The following CPED1 variants were observed in gnomAD, a reference collection of about 807,000 sequenced individuals.
CPED1 encodes the protein cadherin-like and PC-esterase domain-containing protein 1.
In CPED1, 114 loss-of-function variants were observed where a neutral mutation model predicts 128.2. The observed-to-expected ratio is 0.89, with a 90% CI of 0.76 to 1.04. The LOEUF (loss-of-function observed/expected upper bound fraction) is 1.04. Ranked by LOEUF, CPED1 falls within the 50% of genes least tolerant of loss-of-function variation. The pLI, the probability that CPED1 is intolerant of heterozygous loss-of-function variation, is 0.00. For synonymous variants in CPED1, 462 were observed against 426.7 expected (o/e 1.08, Z -1.02); for missense variants, 1,211 against 1,207.1 (o/e 1.00, Z -0.05).
intron 4 of CPED1, among the ~76,000 whole-genome samples, chr7:121,054,862 A>G (rs1158449362): frequency 6.6e-6 from 1 of 151,940 alleles, no homozygotes; most frequent in African/African-American, 2.4e-5. Context: ...AACAGTCACC[A>G]CCGACTTATT....
At chr7:121,024,016 A>G (rs987851507) in intron 3 of CPED1, among the ~76,000 whole-genome samples, 2 of 151,970 alleles carry the variant, frequency 1.3e-5, no homozygotes, top group African/African-American at 2.4e-5. Context: ...AACTGGGGGG[A>G]AAAAAGGAAT....
At chr7:121,160,234 C>T (rs558447221) in intron 16 of CPED1, among the ~76,000 whole-genome samples, 1 of 152,146 alleles carries the variant, frequency 6.6e-6, no homozygotes, top group South Asian at 2.1e-4. Context: ...CATTATATCA[C>T]TATGACATTA....
intron 4 of CPED1, among the ~76,000 whole-genome samples, chr7:121,058,632 A>G (rs1793565082): frequency 6.6e-6 from 1 of 152,196 alleles, no homozygotes; most frequent in Non-Finnish European, 1.5e-5. Flanking sequence ...AGGCAGTCTC[A>G]TTTCAACTTT....
At chr7:121,122,556 A>G (rs552970780) in intron 7 of CPED1, among the ~76,000 whole-genome samples, 1 of 152,302 alleles carries the variant, frequency 6.6e-6, no homozygotes, top group East Asian at 1.9e-4. Context: ...TACCTCTATA[A>G]AGTAGGCACT....
chr7:121,226,568 A>G (rs935973067), intron 16 of CPED1, among the ~76,000 whole-genome samples: 2 of 152,080 alleles, frequency 1.3e-5, no homozygotes, highest in South Asian at 2.1e-4. Context: ...TTGTACATCT[A>G]TCTTTGTGTA....
At chr7:121,170,115 A>G (rs1486386466) in intron 16 of CPED1, among the ~76,000 whole-genome samples, 1 of 152,198 alleles carries the variant, frequency 6.6e-6, no homozygotes, top group Non-Finnish European at 1.5e-5. Context: ...TATAAGGTCG[A>G]TAGCCAGTGA....
chr7:121,137,632 TA>T (rs1795813427), intron 14 of CPED1, among the ~76,000 whole-genome samples: 1 of 152,060 alleles, frequency 6.6e-6, no homozygotes, highest in African/African-American at 2.4e-5. Flanking sequence ...TATAGCCAAT[TA>T]AAGAAAATGG....
chr7:121,196,778 G>A (rs1473284814), intron 16 of CPED1, among the ~76,000 whole-genome samples: 2 of 151,638 alleles, frequency 1.3e-5, no homozygotes, highest in African/African-American at 2.4e-5. Context: ...AGATGAGACC[G>A]AATTTTAGAT....
chr7:121,226,672 T>C (rs993369351), intron 16 of CPED1, among the ~76,000 whole-genome samples: 1 of 152,204 alleles, frequency 6.6e-6, no homozygotes, highest in African/African-American at 2.4e-5. Flanking sequence ...TCAAATGCCC[T>C]CCATAAAGGA....
Position 121,053,815 on chromosome 7 carries a change from A to C in CPED1, c.540+6822A>C, listed in dbSNP as rs115995296. The stretch of plus-strand genomic sequence containing the variant: ...CAATAATTTATTTATGTCAGTATGG[A>C]CTAATGGATATTTGTTGTATTCTAT... On this transcript the variant is annotated intron_variant, in intron 4 of 22. Coordinates refer to ENST00000310396, the MANE Select transcript of CPED1 (RefSeq NM_024913.5). Among the ~76,000 whole-genome samples, 592 of 152,284 alleles carry C rather than the reference A, an allele frequency of 3.9e-3. 4 individuals carry two copies. Among genetic ancestry groups the C allele is most frequent in the African/African-American group, 0.014 (569 of 41,564 alleles).
intron 7 of CPED1, among the ~76,000 whole-genome samples, chr7:121,123,048 A>G (rs1018592682): frequency 2.6e-5 from 4 of 152,246 alleles, no homozygotes; most frequent in African/African-American, 9.6e-5. Context: ...TTGGAAAAAC[A>G]TAATGTTACT....
At chr7:121,206,291 C>G (rs187151039) in intron 16 of CPED1, among the ~76,000 whole-genome samples, 36 of 152,042 alleles carry the variant, frequency 2.4e-4, no homozygotes, top group Admixed American at 4.6e-4. Flanking sequence ...CAAGCATTAA[C>G]TAGGCCAAAA....
intron 5 of CPED1, among the ~76,000 whole-genome samples, chr7:121,087,224 C>T (rs539433854): frequency 6.6e-6 from 1 of 152,250 alleles, no homozygotes; most frequent in Non-Finnish European, 1.5e-5. Flanking sequence ...TAGCCATCCT[C>T]AATACACAAT....
At chr7:121,163,363 G>A (rs1796453384) in intron 16 of CPED1, among the ~76,000 whole-genome samples, 2 of 152,172 alleles carry the variant, frequency 1.3e-5, no homozygotes, top group South Asian at 2.1e-4. Flanking sequence ...ATATCTGGTA[G>A]CTTACAGAAT....
At chr7:121,116,991 CAT>C (rs1563031889) in intron 7 of CPED1, among the ~76,000 whole-genome samples, 6 of 130,126 alleles carry the variant, frequency 4.6e-5, no homozygotes, top group African/African-American at 1.3e-4. Flanking sequence ...CACACACACA[CAT>C]ATATATACAC....
At chr7:121,031,656 A>G (rs1394187476) in intron 3 of CPED1, among the ~76,000 whole-genome samples, 1 of 152,180 alleles carries the variant, frequency 6.6e-6, no homozygotes, top group Non-Finnish European at 1.5e-5. Context: ...CTGATACCCT[A>G]TGTGTCTTCA....
chr7:121,288,105 T>C (rs1440150763), intron 22 of CPED1, among the ~76,000 whole-genome samples: 1 of 152,218 alleles, frequency 6.6e-6, no homozygotes, highest in Non-Finnish European at 1.5e-5. Flanking sequence ...ATAAATTGTA[T>C]GGGCTAGTGA....
chr7:121,061,141 G>C (rs1793659703), intron 4 of CPED1: 1 of 393,906 alleles, frequency 2.5e-6, no homozygotes, highest in Non-Finnish European at 3.5e-6. Context: ...GTGAGGGTCC[G>C]CGGCTTCATT....
chr7:121,144,447 A>G (rs530700195), intron 16 of CPED1, among the ~76,000 whole-genome samples: 3 of 152,108 alleles, frequency 2.0e-5, no homozygotes, highest in Non-Finnish European at 2.9e-5. Flanking sequence ...CAAATATCAC[A>G]TGTTCTCAGT....
Sources: gnomAD v4.1 joint callset for allele counts (sites outside exome capture counted in the v4.1 genomes callset) on GRCh38, gnomAD v4.1.1 for gene constraint, MANE v1.5 for transcripts, NCBI Gene and HGNC (gene_info 2026-07-23, HGNC 2026-07-21) for gene names.